The following VPS37C variants were observed in gnomAD, a reference collection of about 807,000 sequenced individuals.
VPS37C encodes vacuolar protein sorting-associated protein 37C.
VPS37C carries 9 observed loss-of-function variants against 16.1 expected under a neutral mutation model. That is an observed-to-expected ratio of 0.56 (90% CI 0.34 to 0.97). The LOEUF (loss-of-function observed/expected upper bound fraction) is 0.97, where lower values mean the gene tolerates loss of function less well. Among genes scored for constraint, VPS37C ranks in the 50% least tolerant of loss-of-function variants. The pLI is 0.02. For synonymous variants in VPS37C, 207 were observed against 206.4 expected (o/e 1.00, Z -0.02); for missense variants, 479 against 472.7 (o/e 1.01, Z -0.12).
chr11:61,132,546 G>T lies in VPS37C; in HGVS notation c.349-7C>A, dbSNP rs72914704. On this transcript the variant is annotated splice_region_variant and splice_polypyrimidine_tract_variant and intron_variant, in intron 4 of 4. Transcript: ENST00000301765. ...GGAACTTCTCAGCCATGGCCTGGAA[G>T]ACATAAGGTCCAGTGACAACAGGGG... 82,608 of 1,582,136 alleles carry T rather than the reference G, an allele frequency of 0.052. 2,499 individuals carry two copies. The highest frequency in any genetic ancestry group is 0.063 in the Non-Finnish European group (73,536 of 1,163,046).
At chr11:61,137,855 G>C (rs1287802741) in intron 2 of VPS37C, among the ~76,000 whole-genome samples, 1 of 152,118 alleles carries the variant, frequency 6.6e-6, no homozygotes, top group Non-Finnish European at 1.5e-5. Context: ...CAGGCAGCAA[G>C]AGCACAAGCA....
At chr11:61,132,590 C>T (rs1861291945) in intron 4 of VPS37C, 51 bp from the exon 5 acceptor site, 2 of 1,519,282 alleles carry the variant, frequency 1.3e-6, no homozygotes, top group Non-Finnish European at 1.8e-6. Flanking sequence ...ATCAAGGCCT[C>T]TTGATTTTCC....
intron 1 of VPS37C, among the ~76,000 whole-genome samples, chr11:61,155,546 A>G (rs1443998669): frequency 6.6e-6 from 1 of 152,170 alleles, no homozygotes; most frequent in Admixed American, 6.5e-5. Context: ...GACTACTGAT[A>G]TGAAACAATG....
At chr11:61,157,109 T>G (rs1031845146) in intron 1 of VPS37C, among the ~76,000 whole-genome samples, 1 of 152,278 alleles carries the variant, frequency 6.6e-6, no homozygotes, top group Non-Finnish European at 1.5e-5. Context: ...ATCTAATACA[T>G]ATAACACATT....
chr11:61,156,067 C>CCA (rs1853371616), intron 1 of VPS37C, among the ~76,000 whole-genome samples: 1 of 62,424 alleles, frequency 1.6e-5, no homozygotes, highest in African/African-American at 1.6e-4. Context: ...AAAGCAACCA[C>CCA]TAAAAAGTGT....
chr11:61,142,861 G>A (rs12289090), intron 1 of VPS37C, among the ~76,000 whole-genome samples: 8,065 of 140,846 alleles, frequency 0.057, 688 homozygotes, highest in African/African-American at 0.18. Flanking sequence ...GCTAGATGAC[G>A]AGTTAGTGGG....
chr11:61,130,877 G>T lies in VPS37C; in HGVS notation c.*943C>A. ...TGGGGGTGGGAGGATTACATCAACA[G>T]AGTGAGAAGGGGAGGGGAAGGGAGG... On this transcript the variant is annotated 3_prime_UTR_variant, in exon 5 of 5. Transcript: ENST00000301765. 2.4e-6 allele frequency: 1 copy of T among 409,406 alleles called. No homozygotes were observed. Among genetic ancestry groups the T allele is most frequent in the Non-Finnish European group, 4.8e-6 (1 of 210,400 alleles). The allele number at this position is 409,406 out of a possible 1,614,324, so 25.4% of individuals were successfully genotyped here.
chr11:61,152,460 G>C (rs1853311599), intron 1 of VPS37C, among the ~76,000 whole-genome samples: 1 of 152,062 alleles, frequency 6.6e-6, no homozygotes, highest in South Asian at 2.1e-4. Flanking sequence ...TTTCATCCTT[G>C]TACAGAAAGT....
Position 61,134,038 on chromosome 11 carries a change from A to G in VPS37C, c.263T>C (p.Leu88Pro), listed in dbSNP as rs1827566628. The part of the protein sequence containing the change: ...VERCQEQKAK[L>P]EKFSSALQPG... ...AGTTCACAGAGGAGCCACCCTACCC[A>G]GCTTTGCCTTCTGCTCCTGGCACCG... The change falls in exon 3 of 5, where the codon CTG becomes CCG. Residue 88 changes from leucine (L) to proline (P), a missense_variant and splice_region_variant. Leu to Pro is a moderately conservative substitution (Grantham distance 98). Transcript: ENST00000301765. The G allele has an allele frequency of 6.2e-7, 1 of 1,609,044 alleles. No homozygotes were observed. Among genetic ancestry groups the G allele is most frequent in the African/African-American group, 1.3e-5 (1 of 74,796 alleles).
At position 61,130,714 on chromosome 11, in the gene VPS37C, C is replaced by T. The variant is rs1861237793; in HGVS notation, c.*1106G>A. The T allele has an allele frequency of 2.5e-6, 1 of 403,144 alleles. No homozygotes were observed. The highest frequency in any genetic ancestry group is 4.8e-6 in the Non-Finnish European group (1 of 209,236). The allele number at this position is 403,144 out of a possible 1,614,324, so 25.0% of individuals were successfully genotyped here. On this transcript the variant is annotated 3_prime_UTR_variant, in exon 5 of 5. Coordinates refer to ENST00000301765, the MANE Select transcript of VPS37C (RefSeq NM_017966.5). ...CAGGGGGCTGCATATTAAACAGAGACATAATCCCCACCCTTTACATTCTGA... is the reference window on the plus strand; with the variant it reads ...CAGGGGGCTGCATATTAAACAGAGATATAATCCCCACCCTTTACATTCTGA...
chr11:61,148,194 C>T (rs1206590371), intron 1 of VPS37C, among the ~76,000 whole-genome samples: 3 of 152,146 alleles, frequency 2.0e-5, no homozygotes, highest in African/African-American at 7.2e-5. Context: ...AGCTCCAGCA[C>T]CTGGGAGCTG....
intron 1 of VPS37C, among the ~76,000 whole-genome samples, chr11:61,139,446 GAA>G (rs34025392): frequency 6.4e-4 from 94 of 148,014 alleles, no homozygotes; most frequent in Middle Eastern, 3.4e-3. Context: ...ATAGAAGCAG[GAA>G]AAAAAAAAAA....
At chr11:61,142,003 C>T (rs1861479979) in intron 1 of VPS37C, among the ~76,000 whole-genome samples, 1 of 152,216 alleles carries the variant, frequency 6.6e-6, no homozygotes, top group African/African-American at 2.4e-5. Context: ...CGAGAAGAGC[C>T]GAGATTCCCT....
chr11:61,146,778 CCT>C (rs1233434730), intron 1 of VPS37C, among the ~76,000 whole-genome samples: 1 of 152,170 alleles, frequency 6.6e-6, no homozygotes, highest in Non-Finnish European at 1.5e-5. Flanking sequence ...ACTACCAGCC[CCT>C]GAGAAGGAAG....
rs1330450462 is a variant in VPS37C, at chr11:61,132,240, G to A, written c.648C>T (p.Gly216=). ...PYSPSPSLPV[G]PTAHGALPPA... Reference sequence around the variant, plus strand: ...GTGGCAGGGCTCCATGGGCAGTGGGGCCCACAGGCAGGCTGGGGGATGGGC... The same window carrying A: ...GTGGCAGGGCTCCATGGGCAGTGGGACCCACAGGCAGGCTGGGGGATGGGC... The change falls in exon 5 of 5, where the codon GGC becomes GGT. Residue 216 remains glycine (G), a synonymous_variant. Transcript: ENST00000301765. 6 of 1,520,160 alleles carry A rather than the reference G, an allele frequency of 3.9e-6. No individual in the cohort carries two copies. The South Asian group carries it at 6.6e-5, about 17-fold the overall frequency. 94.2% of individuals were successfully genotyped at this position (1,520,160 alleles called of 1,614,324 possible).
intron 1 of VPS37C, among the ~76,000 whole-genome samples, chr11:61,153,451 C>T (rs1853332546): frequency 6.6e-6 from 1 of 152,084 alleles, no homozygotes. Flanking sequence ...TTTATTATAG[C>T]AGTGTGAAAA....
Position 61,131,991 on chromosome 11 carries a change from C to A in VPS37C, c.897G>T (p.Gln299His). ...TTCCTCCTGTTGCGGGGTATGGGGA[C>A]TGTTGAGGATAACCAGGACTGGGGG... The part of the protein sequence containing the change: ...GRAPSPGYPQ[Q>H]SPYPATGGKP... Residue 299 changes from glutamine (Q) to histidine (H), a missense_variant, in exon 5 of 5, where the codon CAG becomes CAT. By Grantham distance (24) the Gln-to-His change is conservative (BLOSUM62 0). Coordinates refer to ENST00000301765, the MANE Select transcript of VPS37C (RefSeq NM_017966.5). The A allele has an allele frequency of 7.4e-7, 1 of 1,352,594 alleles. No individual in the cohort carries two copies. The highest frequency in any genetic ancestry group is 9.5e-7 in the Non-Finnish European group (1 of 1,047,534). The allele number at this position is 1,352,594 out of a possible 1,614,324, so 83.8% of individuals were successfully genotyped here.
intron 1 of VPS37C, among the ~76,000 whole-genome samples, chr11:61,140,720 C>A (rs1861459599): frequency 6.6e-6 from 1 of 152,192 alleles, no homozygotes; most frequent in Non-Finnish European, 1.5e-5. Flanking sequence ...CAGTGGAGAC[C>A]CCTGGTTTCT....
In VPS37C at chr11:61,132,531, AG is replaced by A; in HGVS notation, c.356del (p.Ala119ValfsTer21). ...GCACCTCGCCCTCCAGGAACTTCTC[AG>A]CCATGGCCTGGAAGACATAAGGTCC... ...MKIEEESEAM[A>X]EKFLEGEVPL... On this transcript the variant is annotated frameshift_variant, in exon 5 of 5. Coordinates refer to ENST00000301765, the MANE Select transcript of VPS37C (RefSeq NM_017966.5). LOFTEE classifies it low-confidence loss of function (END_TRUNC). The A allele has an allele frequency of 6.3e-7, 1 of 1,597,200 alleles. No individual in the cohort carries two copies. Among genetic ancestry groups the A allele is most frequent in the Non-Finnish European group, 8.5e-7 (1 of 1,170,906 alleles).
Sources: gnomAD v4.1 joint callset for allele counts (sites outside exome capture counted in the v4.1 genomes callset) on GRCh38, gnomAD v4.1.1 for gene constraint, MANE v1.5 for transcripts, NCBI Gene and HGNC (gene_info 2026-07-23, HGNC 2026-07-21) for gene names.